Variants in FGGY observed in about 807,000 individuals in gnomAD.
FGGY encodes the protein FGGY carbohydrate kinase domain-containing protein.
Under a neutral mutation model 71.3 loss-of-function variants are expected in FGGY, and 72 were observed. The observed-to-expected ratio is 1.01, with a 90% CI of 0.84 to 1.23. FGGY has a LOEUF of 1.23. Ranked by LOEUF, FGGY falls within the 50% of genes most tolerant of loss-of-function variation. The probability of loss-of-function intolerance (pLI) is 0.00; values close to 1 mark genes in which losing one functional copy is unlikely to be tolerated. For missense variants in FGGY, 668 were observed against 682.3 expected (o/e 0.98, Z 0.23); for synonymous variants, 251 against 250.3 (o/e 1.00, Z -0.02).
chr1:59,675,603 G>T lies in FGGY; in HGVS notation c.1512+1470G>T, dbSNP rs114720545. Among the ~76,000 whole-genome samples the T allele has an allele frequency of 6.7e-3, 1,026 of 152,288 alleles. 11 individuals carry two copies. The highest frequency in any genetic ancestry group is 0.024 in the African/African-American group (981 of 41,552). ...ATAGTTCAGTTCTCGACTTTTTCTG[G>T]ATAGTCTCGTCCTTTCTCAAAAATA... On this transcript the variant is annotated intron_variant, in intron 14 of 15. Transcript: ENST00000303721.
At chr1:59,751,253 A>T (rs376885309) in intron 14 of FGGY, among the ~76,000 whole-genome samples, 1 of 140,180 alleles carries the variant, frequency 7.1e-6, no homozygotes, top group South Asian at 2.5e-4. Context: ...TTGAGGGTTA[A>T]AAAGATCATG....
At chr1:59,721,337 G>GTTTTTTGTTTT (rs2097891822) in intron 14 of FGGY, among the ~76,000 whole-genome samples, 2 of 105,376 alleles carry the variant, frequency 1.9e-5, no homozygotes, top group African/African-American at 8.3e-5. Context: ...TCTTTCCTTT[G>GTTTTTTGTTTT]TTTTTTTTTT....
chr1:59,617,056 A>G (rs1375540204), intron 9 of FGGY, among the ~76,000 whole-genome samples: 1 of 152,142 alleles, frequency 6.6e-6, no homozygotes, highest in Admixed American at 6.5e-5. Flanking sequence ...ATTGTCACAT[A>G]GGACATGATA....
intron 14 of FGGY, among the ~76,000 whole-genome samples, chr1:59,679,876 T>C (rs895703277): frequency 2.0e-5 from 3 of 152,174 alleles, no homozygotes; most frequent in African/African-American, 7.2e-5. Flanking sequence ...TATTTAGGTT[T>C]TCTCCATTGT....
At chr1:59,319,813 C>T (rs1204572834) in intron 1 of FGGY, among the ~76,000 whole-genome samples, 2 of 152,082 alleles carry the variant, frequency 1.3e-5, no homozygotes, top group Non-Finnish European at 2.9e-5. Flanking sequence ...TGGGGTATAT[C>T]ACAGCTCAAA....
At chr1:59,695,849 A>C (rs2097653283) in intron 14 of FGGY, among the ~76,000 whole-genome samples, 1 of 152,046 alleles carries the variant, frequency 6.6e-6, no homozygotes, top group Non-Finnish European at 1.5e-5. Context: ...TAAATGACAT[A>C]TTATCCTGAG....
At chr1:59,530,012 T>C (rs1313080579) in intron 7 of FGGY, among the ~76,000 whole-genome samples, 1 of 152,242 alleles carries the variant, frequency 6.6e-6, no homozygotes, top group African/African-American at 2.4e-5. Context: ...TCATCTCATA[T>C]TTGGCAGAAG....
At chr1:59,328,405 C>T (rs2047819619) in intron 2 of FGGY, among the ~76,000 whole-genome samples, 1 of 152,330 alleles carries the variant, frequency 6.6e-6, no homozygotes, top group Non-Finnish European at 1.5e-5. Flanking sequence ...GTAGCTTCCT[C>T]ACCTGTCTCA....
chr1:59,591,939 G>C (rs968875311), intron 8 of FGGY, among the ~76,000 whole-genome samples: 3 of 152,134 alleles, frequency 2.0e-5, no homozygotes, highest in Non-Finnish European at 2.9e-5. Context: ...ATTGACAAAT[G>C]GGATCTCATT....
At chr1:59,754,599 G>T (rs12401675) in intron 14 of FGGY, 17,548 of 152,196 alleles carry the variant, frequency 0.12, 1,033 homozygotes, top group African/African-American at 0.13. Context: ...TGTATTTTTA[G>T]TAGAGACGGG....
chr1:59,738,490 G>T (rs1474414447), intron 14 of FGGY, among the ~76,000 whole-genome samples: 1 of 152,194 alleles, frequency 6.6e-6, no homozygotes, highest in African/African-American at 2.4e-5. Flanking sequence ...AAAATGCTGT[G>T]GTTTCCCCAG....
At chr1:59,733,457 T>TTTTG (rs745805881) in intron 14 of FGGY, among the ~76,000 whole-genome samples, 12 of 117,766 alleles carry the variant, frequency 1.0e-4, no homozygotes, top group Non-Finnish European at 1.7e-4. Context: ...TTTTGTTTTG[T>TTTTG]TTTGTTTTTT....
Position 59,372,236 on chromosome 1 carries a change from G to A in FGGY, c.466-6513G>A, listed in dbSNP as rs551579004. Among the ~76,000 whole-genome samples the A allele has an allele frequency of 3.1e-3, 467 of 152,194 alleles. 1 individual carries two copies. The highest frequency in any genetic ancestry group is 9.8e-3 in the African/African-American group (406 of 41,514). On this transcript the variant is annotated intron_variant, in intron 4 of 15. Coordinates refer to ENST00000303721, the MANE Select transcript of FGGY (RefSeq NM_018291.5). ...AAATGATAAAGGGAATATCACCACC[G>A]ATCCCACAGAAATACAAACTACCAT...
chr1:59,351,542 A>T (rs2053294779), intron 4 of FGGY, among the ~76,000 whole-genome samples: 2 of 152,214 alleles, frequency 1.3e-5, no homozygotes, highest in Admixed American at 1.3e-4. Context: ...GAGGATAGAG[A>T]TCATATCCAC....
rs2098128704 is a variant in FGGY at position 59,739,247 on chromosome 1, C to T, written c.1513-18684C>T. On this transcript the variant is annotated intron_variant, in intron 14 of 15. Transcript: ENST00000303721. ...AATTCCAATAATGTTTCAGCTTCAA[C>T]TAAAAGCTGTATCTTGTTCTGTCCT... Among the ~76,000 whole-genome samples, 3 of 152,186 alleles carry T rather than the reference C, an allele frequency of 2.0e-5. No homozygotes were observed. In the South Asian group the frequency reaches 6.2e-4, roughly 31 times the overall value.
At chr1:59,503,775 C>CAT (rs1377058289) in intron 6 of FGGY, among the ~76,000 whole-genome samples, 1 of 151,302 alleles carries the variant, frequency 6.6e-6, no homozygotes, top group Non-Finnish European at 1.5e-5. Flanking sequence ...ACCACAAATG[C>CAT]ATATATATAG....
rs113981398 is a variant in FGGY, at chr1:59,381,628, C to CGTGTGTGTGT, written c.554+2824_554+2833dup. On this transcript the variant is annotated intron_variant, in intron 5 of 15. Transcript: ENST00000303721. ...GAATGTCATTGTGTGATGTATAACT[C>CGTGTGTGTGT]GTGTGTGTGTGTGTGTGTGTGTGTG... Among the ~76,000 whole-genome samples the CGTGTGTGTGT allele has an allele frequency of 3.7e-4, 53 of 143,306 alleles. 1 individual carries two copies. Among genetic ancestry groups the CGTGTGTGTGT allele is most frequent in the South Asian group, 1.1e-3 (5 of 4,406 alleles). 94.0% of individuals were successfully genotyped at this position (143,306 alleles called of 152,430 possible). A position where few individuals can be genotyped will look rare whatever the true frequency, so the allele number is the denominator to read the frequency against.
chr1:59,501,521 C>G (rs971285141), intron 6 of FGGY, among the ~76,000 whole-genome samples: 6 of 152,124 alleles, frequency 3.9e-5, no homozygotes, highest in Non-Finnish European at 5.9e-5. Context: ...CCCAAGTTTT[C>G]CTTTTCCTAG....
chr1:59,425,324 A>G (rs1166573985), intron 5 of FGGY, among the ~76,000 whole-genome samples: 4 of 152,176 alleles, frequency 2.6e-5, no homozygotes, highest in Admixed American at 6.5e-5. Context: ...CAGTATTTTT[A>G]TGGCCTTTTA....
Sources: allele counts gnomAD v4.1 joint callset (sites outside exome capture counted in the v4.1 genomes callset), GRCh38; gene constraint gnomAD v4.1.1; transcripts MANE v1.5; gene names NCBI Gene and HGNC (gene_info 2026-07-23, HGNC 2026-07-21).